The following ASAP2 variants were observed in gnomAD, a reference collection of about 807,000 sequenced individuals.
The protein encoded by ASAP2 is arf-GAP with SH3 domain, ANK repeat and PH domain-containing protein 2.
Under a neutral mutation model 131.4 loss-of-function variants are expected in ASAP2, and 45 were observed. The observed-to-expected ratio is 0.34, with a 90% CI of 0.27 to 0.44. The LOEUF (loss-of-function observed/expected upper bound fraction) is 0.44. Ranked by LOEUF, ASAP2 falls within the 20% of genes least tolerant of loss-of-function variation. ASAP2 has a pLI of 1.00. For missense variants in ASAP2, 1,011 were observed against 1,297.0 expected (o/e 0.78, Z 3.39); for synonymous variants, 510 against 503.0 (o/e 1.01, Z -0.19).
chr2:9,348,444 T>G (rs1349425509), intron 11 of ASAP2, among the ~76,000 whole-genome samples: 2 of 152,238 alleles, frequency 1.3e-5, no homozygotes, highest in Non-Finnish European at 2.9e-5. Context: ...TTTTTCCAAA[T>G]TGCAACAGGG....
rs1396619198 is a variant in ASAP2, at chr2:9,217,966, C to G, written c.126+10736C>G. 6.7e-6 allele frequency among the ~76,000 whole-genome samples: 1 copy of G among 150,158 alleles called. No individual in the cohort carries two copies. The highest frequency in any genetic ancestry group is 2.5e-5 in the African/African-American group (1 of 40,686). Reference sequence around the variant, plus strand: ...TGATGACAATGCTTTAATTTCATTTCTCTGAGCTTTAATTCTGTATTAAGG... The same window carrying G: ...TGATGACAATGCTTTAATTTCATTTGTCTGAGCTTTAATTCTGTATTAAGG... On this transcript the variant is annotated intron_variant, in intron 1 of 27. Transcript: ENST00000281419. This position sits in a 1 kb window ranked among gnomAD's most constrained non-coding sequence, Gnocchi z 4.0.
intron 1 of ASAP2, among the ~76,000 whole-genome samples, chr2:9,225,847 C>G (rs780769890): frequency 6.6e-6 from 1 of 152,196 alleles, no homozygotes; most frequent in African/African-American, 2.4e-5. Context: ...TCCTCATCTT[C>G]TAGTTTGTGC....
Position 9,364,324 on chromosome 2 carries a change from A to G in ASAP2, c.1462-4101A>G, listed in dbSNP as rs113808818. ...TGAGTTCAAGACCAACCTGGGCCAC[A>G]TGGCAAAACCCCATCTCTACAAAAA... is the stretch of plus-strand genomic sequence containing the variant. On this transcript the variant is annotated intron_variant, in intron 15 of 27. Coordinates refer to ENST00000281419, the MANE Select transcript of ASAP2 (RefSeq NM_003887.3). Among the ~76,000 whole-genome samples, 1,014 of 152,148 alleles carry G rather than the reference A, an allele frequency of 6.7e-3. 11 individuals carry two copies. The highest frequency in any genetic ancestry group is 0.023 in the African/African-American group (960 of 41,492).
rs1484428212 is a variant in ASAP2, at chr2:9,219,459, C to T, written c.126+12229C>T. ...GACTAGATGTTCTCTGACCATCCTC[C>T]CTGACCTAAAAATTCCATAGTTCTT... On this transcript the variant is annotated intron_variant, in intron 1 of 27. Transcript: ENST00000281419. 2.6e-5 allele frequency among the ~76,000 whole-genome samples: 4 copies of T among 152,208 alleles called. No homozygotes were observed. In the South Asian group the frequency reaches 6.2e-4, roughly 24 times the overall value.
chr2:9,397,508 C>T (rs987145339), intron 24 of ASAP2, among the ~76,000 whole-genome samples: 5 of 151,924 alleles, frequency 3.3e-5, no homozygotes, highest in African/African-American at 9.7e-5. Flanking sequence ...AGGAACACAC[C>T]GGTACGCCCT....
intron 2 of ASAP2, among the ~76,000 whole-genome samples, chr2:9,282,746 C>T (rs1667208760): frequency 6.6e-6 from 1 of 152,194 alleles, no homozygotes; most frequent in Admixed American, 6.5e-5. Context: ...ATGCTTCATA[C>T]TGCCATATTC....
intron 6 of ASAP2, 28 bp downstream of exon 6, chr2:9,323,278 C>T (rs1340428114): frequency 1.2e-6 from 2 of 1,613,248 alleles, no homozygotes; most frequent in Admixed American, 1.7e-5. Flanking sequence ...GCAGGTCCTA[C>T]AGCCCAGGCT....
chr2:9,297,563 C>A, intron 3 of ASAP2, 118 bp downstream of exon 3: 2 of 1,238,924 alleles, frequency 1.6e-6, no homozygotes, highest in Non-Finnish European at 2.2e-6. Flanking sequence ...CTTGGGTACC[C>A]AAAAGAATTA....
At chr2:9,335,064 G>GAAA in intron 8 of ASAP2, 29 bp from the exon 9 acceptor site, 1 of 1,600,766 alleles carries the variant, frequency 6.2e-7, no homozygotes, top group Non-Finnish European at 8.6e-7. Flanking sequence ...TTTTCTGATT[G>GAAA]GTTCTGTTGT....
intron 21 of ASAP2, among the ~76,000 whole-genome samples, chr2:9,385,697 C>T (rs1011745859): frequency 2.6e-5 from 4 of 152,142 alleles, no homozygotes; most frequent in African/African-American, 9.7e-5. Flanking sequence ...GCCAGATTTC[C>T]CCCAGTCTAG....
chr2:9,371,394 C>A (rs578151679), intron 16 of ASAP2, among the ~76,000 whole-genome samples: 3 of 152,108 alleles, frequency 2.0e-5, no homozygotes, highest in African/African-American at 7.2e-5. Flanking sequence ...TTTTTCCCAC[C>A]GTAATATGTT....
rs546977540 is a variant in ASAP2 at position 9,323,361 on chromosome 2, T to C, written c.600+111T>C. ...GCTTCAGAGAAAACACCACATGCAT[T>C]GCTGGACTCCCTTTGCCCCTGTGTT... On this transcript the variant is annotated intron_variant, in intron 6 of 27. Transcript: ENST00000281419. The C allele has an allele frequency of 5.2e-5, 76 of 1,454,998 alleles. 1 individual carries two copies. The South Asian group carries it at 9.6e-4, about 18-fold the overall frequency. The allele number at this position is 1,454,998 out of a possible 1,614,324, so 90.1% of individuals were successfully genotyped here.
At chr2:9,258,705 A>C (rs184389998) in intron 1 of ASAP2, among the ~76,000 whole-genome samples, 1 of 152,306 alleles carries the variant, frequency 6.6e-6, no homozygotes, top group Admixed American at 6.5e-5. Context: ...GGCTGTTGCA[A>C]CTTCTTTAGA....
chr2:9,322,978 T>C, intron 5 of ASAP2, 143 bp from the exon 6 acceptor site: 1 of 940,574 alleles, frequency 1.1e-6, no homozygotes, highest in Non-Finnish European at 1.6e-6. Context: ...CCATTTTCCT[T>C]TTGAGGGAGT....
chr2:9,279,857 A>T (rs1411572371), intron 2 of ASAP2, among the ~76,000 whole-genome samples: 1 of 152,098 alleles, frequency 6.6e-6, no homozygotes, highest in Non-Finnish European at 1.5e-5. Flanking sequence ...AGATTTACAC[A>T]TACATATTTT....
chr2:9,333,067 C>T (rs915463462), intron 7 of ASAP2, among the ~76,000 whole-genome samples: 5 of 152,206 alleles, frequency 3.3e-5, no homozygotes, highest in Non-Finnish European at 7.3e-5. Context: ...AGTGTTTTCA[C>T]GGCGCCTTCT....
In ASAP2 at chr2:9,356,075, A is replaced by C; in HGVS notation, c.1140A>C (p.Glu380Asp). The C allele has an allele frequency of 6.2e-7, 1 of 1,614,230 alleles. No individual in the cohort carries two copies. The highest frequency in any genetic ancestry group is 8.5e-7 in the Non-Finnish European group (1 of 1,180,048). The change falls in exon 13 of 28, where the codon GAA becomes GAC. Residue 380 changes from glutamate to aspartate, a missense_variant. Glu to Asp is a conservative substitution (Grantham distance 45). Coordinates refer to ENST00000281419, the MANE Select transcript of ASAP2 (RefSeq NM_003887.3). ...SHDRTYHFQAEDEQECQIWMS... is the reference protein window; with the variant it reads ...SHDRTYHFQADDEQECQIWMS... ...ACAGAACTTACCACTTTCAAGCTGAAGATGAACAGGAATGTCAAATGTAAG... is the reference window on the plus strand; with the variant it reads ...ACAGAACTTACCACTTTCAAGCTGACGATGAACAGGAATGTCAAATGTAAG...
intron 16 of ASAP2, among the ~76,000 whole-genome samples, chr2:9,373,167 C>A (rs62118799): frequency 0.088 from 13,341 of 152,090 alleles, 597 homozygotes; most frequent in Non-Finnish European, 0.1. Context: ...TAACCTAGGC[C>A]CTGTAGAGCG....
At chr2:9,396,327 T>C (rs1010584075) in intron 24 of ASAP2, among the ~76,000 whole-genome samples, 1 of 152,102 alleles carries the variant, frequency 6.6e-6, no homozygotes, top group Admixed American at 6.5e-5. Context: ...CAGGCTGGAG[T>C]ACAGTGGTGT....
Sources: gnomAD v4.1 joint callset for allele counts (sites outside exome capture counted in the v4.1 genomes callset) on GRCh38, gnomAD v4.1.1 for gene constraint, Gnocchi (gnomAD v3.1) non-coding constraint, MANE v1.5 for transcripts, NCBI Gene and HGNC (gene_info 2026-07-23, HGNC 2026-07-21) for gene names.